The following ADAM32 variants were observed in gnomAD, a reference collection of about 807,000 sequenced individuals.
ADAM32 encodes ADAM metallopeptidase domain 32.
Under a neutral mutation model 114.9 loss-of-function variants are expected in ADAM32, and 89 were observed. The observed-to-expected ratio is 0.77, with a 90% CI of 0.65 to 0.92. ADAM32 has a LOEUF of 0.92. Ranked by LOEUF, ADAM32 falls within the 40% of genes least tolerant of loss-of-function variation. The probability of loss-of-function intolerance (pLI) is 0.00; values close to 1 mark genes in which losing one functional copy is unlikely to be tolerated. For missense variants in ADAM32, 870 were observed against 932.8 expected (o/e 0.93, Z 0.88); for synonymous variants, 285 against 307.5 (o/e 0.93, Z 0.77).
At chr8:39,263,432 G>A (rs573971496) in intron 19 of ADAM32, among the ~76,000 whole-genome samples, 2 of 151,980 alleles carry the variant, frequency 1.3e-5, no homozygotes, top group South Asian at 4.2e-4. Context: ...TTCTCCTTCT[G>A]AACTTCCTGT....
At chr8:39,220,367 G>A (rs542621655) in intron 12 of ADAM32, among the ~76,000 whole-genome samples, 11 of 152,108 alleles carry the variant, frequency 7.2e-5, no homozygotes, top group South Asian at 4.1e-4. Context: ...GACAGCAGAT[G>A]GATGGGTTTT....
Position 39,164,806 on chromosome 8 carries a change from G to A in ADAM32, c.637G>A (p.Val213Ile), listed in dbSNP as rs375823664. 7.9e-5 allele frequency: 127 copies of A among 1,608,362 alleles called. No homozygotes were observed. Among genetic ancestry groups the A allele is most frequent in the Middle Eastern group, 6.6e-4 (4 of 6,038 alleles). The change falls in exon 8 of 25, where the codon GTC becomes ATC. Residue 213 changes from valine (V) to isoleucine (I), a missense_variant. Coordinates refer to ENST00000379907, the MANE Select transcript of ADAM32 (RefSeq NM_145004.7). ...TGATAGCATGATAGTAACAAATAAA[G>A]TCATCGAAATTGTTGGCCTTGCAAA... ...GSDSMIVTNK[V>I]IEIVGLANSM...
chr8:39,148,140 C>T lies in ADAM32; in HGVS notation c.276+935C>T, dbSNP rs1388410079. ...GTTAAGACATAGTCAGATTACCCTG[C>T]TTCTCTGCTCAGAACCCTGCATGAA... On this transcript the variant is annotated intron_variant, in intron 4 of 24. Coordinates refer to ENST00000379907, the MANE Select transcript of ADAM32 (RefSeq NM_145004.7). Among the ~76,000 whole-genome samples, 7 of 152,154 alleles carry T rather than the reference C, an allele frequency of 4.6e-5. No individual in the cohort carries two copies. In the East Asian group the frequency reaches 1.3e-3, roughly 29 times the overall value.
chr8:39,140,602 G>A (rs1489523459), intron 3 of ADAM32, among the ~76,000 whole-genome samples: 1 of 152,140 alleles, frequency 6.6e-6, no homozygotes, highest in East Asian at 1.9e-4. Flanking sequence ...AGGGATATTG[G>A]CCTAAAATTC....
At chr8:39,173,485 CTGTTCATGTCCTT>C (rs1805318068) in intron 10 of ADAM32, among the ~76,000 whole-genome samples, 2 of 150,790 alleles carry the variant, frequency 1.3e-5, no homozygotes, top group Admixed American at 1.3e-4. Flanking sequence ...TGAGAAGTGT[CTGTTCATGTCCTT>C]TGTCCACTTT....
chr8:39,193,073 A>G (rs893046126), intron 11 of ADAM32, among the ~76,000 whole-genome samples: 4 of 152,038 alleles, frequency 2.6e-5, no homozygotes, highest in Non-Finnish European at 5.9e-5. Flanking sequence ...TCTAGCTAGG[A>G]TGATATCCTG....
chr8:39,211,680 T>G (rs1808233638), intron 12 of ADAM32, among the ~76,000 whole-genome samples: 1 of 152,198 alleles, frequency 6.6e-6, no homozygotes, highest in Admixed American at 6.5e-5. Context: ...GTCCTTTAGG[T>G]TATTACTTCA....
chr8:39,238,977 T>C (rs1810379115), intron 16 of ADAM32, among the ~76,000 whole-genome samples: 2 of 152,116 alleles, frequency 1.3e-5, no homozygotes, highest in Non-Finnish European at 2.9e-5. Context: ...ATAGAAATCC[T>C]AAAGTTTGGA....
chr8:39,245,246 C>A, intron 16 of ADAM32, among the ~76,000 whole-genome samples: 1 of 152,064 alleles, frequency 6.6e-6, no homozygotes, highest in Non-Finnish European at 1.5e-5. Context: ...CAAGTGGGAG[C>A]TAATCTCTGA....
intron 17 of ADAM32, among the ~76,000 whole-genome samples, chr8:39,252,278 T>C (rs1811355844): frequency 6.6e-6 from 1 of 150,994 alleles, no homozygotes; most frequent in Non-Finnish European, 1.5e-5. Context: ...AGATTGAAGC[T>C]AGAAGTTAAT....
At chr8:39,196,541 G>A (rs1807010022) in intron 11 of ADAM32, among the ~76,000 whole-genome samples, 1 of 152,070 alleles carries the variant, frequency 6.6e-6, no homozygotes, top group East Asian at 1.9e-4. Flanking sequence ...TATTTATCAT[G>A]AAGCCATGTT....
chr8:39,133,892 G>A (rs963255792), intron 2 of ADAM32, among the ~76,000 whole-genome samples: 1 of 152,226 alleles, frequency 6.6e-6, no homozygotes, highest in Non-Finnish European at 1.5e-5. Context: ...CCATGCAACT[G>A]TGCTGTGTCC....
intron 19 of ADAM32, among the ~76,000 whole-genome samples, chr8:39,267,708 A>G (rs1385118305): frequency 2.0e-5 from 3 of 152,226 alleles, no homozygotes; most frequent in Non-Finnish European, 4.4e-5. Flanking sequence ...TTTCTAACAC[A>G]GCTTGTCCCT....
intron 11 of ADAM32, among the ~76,000 whole-genome samples, chr8:39,195,706 G>C (rs1045183303): frequency 6.6e-6 from 1 of 152,112 alleles, no homozygotes; most frequent in African/African-American, 2.4e-5. Flanking sequence ...AAATCAGTTA[G>C]CTGTAAATAG....
At chr8:39,235,410 A>G (rs1810059213) in intron 16 of ADAM32, among the ~76,000 whole-genome samples, 1 of 152,140 alleles carries the variant, frequency 6.6e-6, no homozygotes, top group Admixed American at 6.5e-5. Flanking sequence ...AGACTCATTA[A>G]TATTGATTTA....
chr8:39,109,164 CTTTTG>C (rs1200756974), intron 1 of ADAM32, among the ~76,000 whole-genome samples: 3 of 152,166 alleles, frequency 2.0e-5, no homozygotes, highest in Non-Finnish European at 4.4e-5. Flanking sequence ...TCTCAAAGAG[CTTTTG>C]TTTATGTGGA....
chr8:39,222,961 A>G, intron 13 of ADAM32, 79 bp from the exon 14 acceptor site: 1 of 1,241,654 alleles, frequency 8.1e-7, no homozygotes, highest in Non-Finnish European at 1.1e-6. Context: ...GAAAATGATT[A>G]ACACAATTTT....
At chr8:39,166,463 T>G (rs537349794) in intron 9 of ADAM32, 4 of 152,332 alleles carry the variant, frequency 2.6e-5, no homozygotes, top group African/African-American at 9.6e-5. Context: ...GTTGGTTCCA[T>G]GATTTTGCAA....
intron 16 of ADAM32, among the ~76,000 whole-genome samples, chr8:39,245,463 A>G (rs1380800916): frequency 6.6e-6 from 1 of 152,136 alleles, no homozygotes; most frequent in Non-Finnish European, 1.5e-5. Context: ...ATAAAAATTA[A>G]AAAAAGAAGA....
Sources: gnomAD v4.1 joint callset for allele counts (sites outside exome capture counted in the v4.1 genomes callset) on GRCh38, gnomAD v4.1.1 for gene constraint, MANE v1.5 for transcripts, NCBI Gene and HGNC (gene_info 2026-07-23, HGNC 2026-07-21) for gene names.